Variants in CDH4 observed in about 807,000 individuals in gnomAD.
The protein encoded by CDH4 is cadherin-4.
A neutral mutation model predicts 86.0 loss-of-function variants in CDH4; 33 were observed. That is an observed-to-expected ratio of 0.38 (90% CI 0.29 to 0.51). The LOEUF (loss-of-function observed/expected upper bound fraction) is 0.51, where lower values mean the gene tolerates loss of function less well. Among genes scored for constraint, CDH4 ranks in the 20% least tolerant of loss-of-function variants. The pLI is 0.86. For missense variants in CDH4, 1,114 were observed against 1,307.4 expected, an observed-to-expected ratio of 0.85 and a Z score of 2.28; for synonymous variants, 555 against 549.4, an observed-to-expected ratio of 1.01 and a Z score of -0.14.
chr20:61,677,111 C>G (rs1254013135), intron 2 of CDH4, among the ~76,000 whole-genome samples: 1 of 152,120 alleles, frequency 6.6e-6, no homozygotes, highest in Non-Finnish European at 1.5e-5. Context: ...CGGTAGGGAG[C>G]CTTGGAGTTG....
At position 61,540,429 on chromosome 20, in the gene CDH4, A is replaced by G. The variant is rs146088758; in HGVS notation, c.170-203134A>G. 1.6e-4 allele frequency among the ~76,000 whole-genome samples: 24 copies of G among 152,270 alleles called. 1 individual carries two copies. Among genetic ancestry groups the G allele is most frequent in the African/African-American group, 5.5e-4 (23 of 41,560 alleles). On this transcript the variant is annotated intron_variant, in intron 2 of 15. Coordinates refer to ENST00000614565, the MANE Select transcript of CDH4 (RefSeq NM_001794.5). Reference sequence around the variant, plus strand: ...CACATGATAGGAGGGAAGTGCCCAGATGTTGATATCTGATTCCTGGAAAAT... The same window carrying G: ...CACATGATAGGAGGGAAGTGCCCAGGTGTTGATATCTGATTCCTGGAAAAT...
At chr20:61,568,184 G>T (rs1432763266) in intron 2 of CDH4, among the ~76,000 whole-genome samples, 1 of 152,124 alleles carries the variant, frequency 6.6e-6, no homozygotes, top group Non-Finnish European at 1.5e-5. Context: ...ACAGGGTTCA[G>T]CTGTGTCCCC....
intron 2 of CDH4, among the ~76,000 whole-genome samples, chr20:61,475,993 C>G (rs2085533465): frequency 6.6e-6 from 1 of 152,022 alleles, no homozygotes; most frequent in Admixed American, 6.6e-5. Flanking sequence ...GAGTGAGTCT[C>G]TAGAACACCA....
chr20:61,895,474 G>A (rs1180753529), intron 8 of CDH4, among the ~76,000 whole-genome samples: 3 of 152,238 alleles, frequency 2.0e-5, no homozygotes, highest in Admixed American at 2.0e-4. Flanking sequence ...GGCAGAAAGG[G>A]GGTTGTGACT....
intron 7 of CDH4, among the ~76,000 whole-genome samples, chr20:61,877,249 A>AG (rs1984068904): frequency 6.6e-6 from 1 of 151,938 alleles, no homozygotes; most frequent in African/African-American, 2.4e-5. Flanking sequence ...CCCACTGGCC[A>AG]GGCCCCAGTG....
At chr20:61,499,705 G>A (rs1011582412) in intron 2 of CDH4, among the ~76,000 whole-genome samples, 6 of 152,112 alleles carry the variant, frequency 3.9e-5, no homozygotes, top group African/African-American at 9.7e-5. Flanking sequence ...GGAACACGGG[G>A]GTGTCAACCT....
chr20:61,632,511 C>CA (rs1297828253), intron 2 of CDH4, among the ~76,000 whole-genome samples: 3 of 152,110 alleles, frequency 2.0e-5, no homozygotes, highest in Non-Finnish European at 4.4e-5. Context: ...CAGGGAACCT[C>CA]AAGGCTGCTG....
chr20:61,341,402 A>G (rs1162392670), intron 2 of CDH4, among the ~76,000 whole-genome samples: 2 of 152,222 alleles, frequency 1.3e-5, no homozygotes, highest in Non-Finnish European at 2.9e-5. Context: ...GTGACAGGGA[A>G]AGCAATTTTA....
chr20:61,736,644 AAG>A (rs772229624), intron 2 of CDH4, among the ~76,000 whole-genome samples: 4 of 140,142 alleles, frequency 2.9e-5, no homozygotes, highest in African/African-American at 5.3e-5. Flanking sequence ...GGAAGGAAGG[AAG>A]GAGAGAGAGA....
chr20:61,268,838 C>T (rs1361069199), intron 2 of CDH4, among the ~76,000 whole-genome samples: 4 of 152,188 alleles, frequency 2.6e-5, no homozygotes, highest in Non-Finnish European at 4.4e-5. Context: ...CAGAACCATG[C>T]GCCAAATAAA....
At chr20:61,574,604 C>T (rs1216376936) in intron 2 of CDH4, among the ~76,000 whole-genome samples, 1 of 152,102 alleles carries the variant, frequency 6.6e-6, no homozygotes, top group East Asian at 1.9e-4. Context: ...AAAAATATTG[C>T]AGAGGACCCA....
At chr20:61,325,689 G>A (rs551375444) in intron 2 of CDH4, among the ~76,000 whole-genome samples, 1 of 152,136 alleles carries the variant, frequency 6.6e-6, no homozygotes, top group African/African-American at 2.4e-5. Context: ...GACAGGAAGG[G>A]TTGAAAATGC....
chr20:61,678,506 C>G (rs1202835775), intron 2 of CDH4, among the ~76,000 whole-genome samples: 2 of 152,184 alleles, frequency 1.3e-5, no homozygotes, highest in Non-Finnish European at 2.9e-5. Context: ...CGCAATGACA[C>G]CAGGTAGCCA....
rs186239972 is a variant in CDH4 at position 61,746,769 on chromosome 20, G to A, written c.396+2980G>A. On this transcript the variant is annotated intron_variant, in intron 3 of 15. Coordinates refer to ENST00000614565, the MANE Select transcript of CDH4 (RefSeq NM_001794.5). ...GGAGGTCAGGAGGTGGAAAACAGCA[G>A]CGCATATGGCTGTCATTGCCTGGTT... Among the ~76,000 whole-genome samples the A allele has an allele frequency of 1.4e-4, 21 of 152,352 alleles. No homozygotes were observed. In the East Asian group the frequency reaches 4.1e-3, roughly 29 times the overall value.
At chr20:61,324,455 T>C (rs1372692417) in intron 2 of CDH4, among the ~76,000 whole-genome samples, 1 of 152,164 alleles carries the variant, frequency 6.6e-6, no homozygotes, top group African/African-American at 2.4e-5. Flanking sequence ...CTTCCTGACT[T>C]TGGCCAGCTC....
intron 2 of CDH4, among the ~76,000 whole-genome samples, chr20:61,683,078 G>A (rs1017105023): frequency 2.0e-5 from 3 of 151,962 alleles, no homozygotes; most frequent in African/African-American, 7.3e-5. Context: ...ACCATGCCGG[G>A]GCCTGGCAAT....
intron 2 of CDH4, among the ~76,000 whole-genome samples, chr20:61,737,545 C>A (rs879581): frequency 0.11 from 16,334 of 152,204 alleles, 1,162 homozygotes; most frequent in East Asian, 0.22. Context: ...CATCACCTGG[C>A]CACTGACCAC....
chr20:61,873,154 G>T (rs767036563), intron 6 of CDH4, among the ~76,000 whole-genome samples: 2 of 152,184 alleles, frequency 1.3e-5, no homozygotes, highest in Non-Finnish European at 2.9e-5. Context: ...CAGTCCCAGG[G>T]CGCCCCCAGA....
intron 4 of CDH4, among the ~76,000 whole-genome samples, chr20:61,819,394 G>A (rs193261718): frequency 3.2e-4 from 48 of 151,008 alleles, no homozygotes; most frequent in African/African-American, 1.1e-3. Context: ...CCCCGGGAGC[G>A]TTCCATGCAT....
Sources: gnomAD v4.1 joint callset for allele counts (sites outside exome capture counted in the v4.1 genomes callset) on GRCh38, gnomAD v4.1.1 for gene constraint, MANE v1.5 for transcripts, NCBI Gene and HGNC (gene_info 2026-07-23, HGNC 2026-07-21) for gene names.